RICTOR: variants seen among roughly 807,000 people sequenced by gnomAD.
The protein encoded by RICTOR is RPTOR independent companion of MTOR complex 2, also known as rapamycin-insensitive companion of mTOR.
A neutral mutation model predicts 214.9 loss-of-function variants in RICTOR; 49 were observed. That is an observed-to-expected ratio of 0.23 (90% confidence interval 0.18 to 0.29). The LOEUF is 0.29. Ranked by LOEUF, RICTOR falls within the 10% of genes least tolerant of loss-of-function variation. RICTOR has a pLI of 1.00. For missense variants in RICTOR, 1,625 were observed against 2,047.0 expected, an observed-to-expected ratio of 0.79 and a Z score of 3.98; for synonymous variants, 717 against 711.3, an observed-to-expected ratio of 1.01 and a Z score of -0.13.
At chr5:38,987,721 T>G (rs2150072302) in intron 7 of RICTOR, among the ~76,000 whole-genome samples, 1 of 152,238 alleles carries the variant, frequency 6.6e-6, no homozygotes, top group East Asian at 1.9e-4. Flanking sequence ...TCTTGTTTGA[T>G]CTCAGTTATT....
At chr5:39,064,756 C>T (rs1758781752) in intron 2 of RICTOR, among the ~76,000 whole-genome samples, 1 of 152,192 alleles carries the variant, frequency 6.6e-6, no homozygotes, top group Non-Finnish European at 1.5e-5. Context: ...TACATGTATT[C>T]ATTATTGTTT....
At position 38,981,848 on chromosome 5, in the gene RICTOR, A is replaced by C; in HGVS notation, c.753+19T>G. On this transcript the variant is annotated intron_variant, in intron 8 of 37. Transcript: ENST00000357387. ...TATAATAATATTTTAAAACTAGAAA[A>C]GAATATTAAAGTTCCTACCTCTAAT... is the stretch of plus-strand genomic sequence containing the variant. 1.3e-6 allele frequency: 2 copies of C among 1,546,554 alleles called. No homozygotes were observed. The highest frequency in any genetic ancestry group is 1.8e-6 in the Non-Finnish European group (2 of 1,127,494).
At chr5:38,967,866 T>C in intron 12 of RICTOR, 77 bp downstream of exon 12, 2 of 716,448 alleles carry the variant, frequency 2.8e-6, no homozygotes, top group Non-Finnish European at 4.9e-6. Flanking sequence ...TAATTTAGTA[T>C]TTCTCCTTTT....
chr5:39,021,655 T>C (rs1431297355), intron 2 of RICTOR, among the ~76,000 whole-genome samples: 1 of 152,128 alleles, frequency 6.6e-6, no homozygotes, highest in African/African-American at 2.4e-5. Context: ...AGTGCTCTCT[T>C]GACCTTCCAG....
At chr5:39,072,913 T>A (rs184996249) in intron 2 of RICTOR, among the ~76,000 whole-genome samples, 2 of 152,254 alleles carry the variant, frequency 1.3e-5, no homozygotes, top group African/African-American at 4.8e-5. Context: ...TATAAAAATG[T>A]ACTCTTGTAG....
intron 10 of RICTOR, among the ~76,000 whole-genome samples, chr5:38,973,872 C>T (rs1750987681): frequency 6.6e-6 from 1 of 152,068 alleles, no homozygotes; most frequent in Non-Finnish European, 1.5e-5. Flanking sequence ...GGAAATACAT[C>T]ACAGAAATAA....
At chr5:38,970,681 CATTT>C (rs1487340714) in intron 11 of RICTOR, 1 of 151,732 alleles carries the variant, frequency 6.6e-6, no homozygotes, top group Non-Finnish European at 1.5e-5. Context: ...CAAATAAAAA[CATTT>C]AAGGAGAAAG....
At chr5:38,962,635 T>C in intron 17 of RICTOR, 49 bp from the exon 18 acceptor site, 2 of 1,069,772 alleles carry the variant, frequency 1.9e-6, no homozygotes, top group Non-Finnish European at 2.8e-6. Context: ...ACTGTCCTCA[T>C]ATCAGAAAAC....
At chr5:38,973,424 G>T (rs1485113402) in intron 10 of RICTOR, among the ~76,000 whole-genome samples, 1 of 152,168 alleles carries the variant, frequency 6.6e-6, no homozygotes. Context: ...AACGCCCAGT[G>T]GGATGGACAG....
chr5:38,954,966 C>A (rs990493358), intron 26 of RICTOR, 105 bp from the exon 27 acceptor site: 1 of 518,220 alleles, frequency 1.9e-6, no homozygotes, highest in African/African-American at 2.0e-5. Context: ...AGATACAACT[C>A]TCCAGCATAA....
chr5:39,006,698 G>A (rs1327147673), intron 3 of RICTOR, among the ~76,000 whole-genome samples: 1 of 12,736 alleles, frequency 7.9e-5, no homozygotes. Flanking sequence ...AAGGGGAAGG[G>A]AGAGGAGGGG....
chr5:39,029,602 A>G (rs983281670), intron 2 of RICTOR, among the ~76,000 whole-genome samples: 4 of 152,214 alleles, frequency 2.6e-5, no homozygotes, highest in African/African-American at 7.2e-5. Context: ...TGGCATGCAC[A>G]TGCTACTTGG....
intron 30 of RICTOR, among the ~76,000 whole-genome samples, chr5:38,951,068 A>T (rs1036083832): frequency 2.0e-5 from 3 of 151,948 alleles, no homozygotes; most frequent in Non-Finnish European, 4.4e-5. Context: ...TGCTTACTCA[A>T]TTACTACAGA....
At chr5:39,057,191 T>C (rs1356366931) in intron 2 of RICTOR, among the ~76,000 whole-genome samples, 1 of 152,152 alleles carries the variant, frequency 6.6e-6, no homozygotes, top group Non-Finnish European at 1.5e-5. Flanking sequence ...TTTGAAGGAC[T>C]AATAATATAT....
rs1386848105 is a variant in RICTOR at position 38,940,969 on chromosome 5, G to A, written c.*1335C>T. On this transcript the variant is annotated 3_prime_UTR_variant, in exon 38 of 38. Coordinates refer to ENST00000357387, the MANE Select transcript of RICTOR (RefSeq NM_152756.5). ...TTAAAAAAGAATCCTAATCAGTCCA[G>A]CTGGATTTTCTATTTCTATTTATAT... 1 of 232,520 alleles carries A rather than the reference G, an allele frequency of 4.3e-6. No individual in the cohort carries two copies. The highest frequency in any genetic ancestry group is 2.2e-5 in the African/African-American group (1 of 45,298). The allele number at this position is 232,520 out of a possible 1,614,324, so 14.4% of individuals were successfully genotyped here.
intron 2 of RICTOR, among the ~76,000 whole-genome samples, chr5:39,021,821 C>T (rs1268340575): frequency 1.3e-5 from 2 of 152,166 alleles, no homozygotes; most frequent in African/African-American, 4.8e-5. Flanking sequence ...TAAGAAAAAT[C>T]TCAGCATCAC....
intron 2 of RICTOR, among the ~76,000 whole-genome samples, chr5:39,036,683 C>G (rs1262844219): frequency 6.6e-6 from 1 of 152,118 alleles, no homozygotes; most frequent in African/African-American, 2.4e-5. Flanking sequence ...TCTGATAAAA[C>G]AGACTTTAAA....
In RICTOR at chr5:38,965,563, C is replaced by G. The variant is rs1266811553; in HGVS notation, c.1300-671G>C. The stretch of plus-strand genomic sequence containing the variant: ...GTATAGAGATTCCTTCATATAAAAG[C>G]AAATAACTCTGAATATTGGTATTCT... On this transcript the variant is annotated intron_variant, in intron 15 of 37. Coordinates refer to ENST00000357387, the MANE Select transcript of RICTOR (RefSeq NM_152756.5). Among the ~76,000 whole-genome samples, 3 of 151,842 alleles carry G rather than the reference C, an allele frequency of 2.0e-5. No homozygotes were observed. The South Asian group carries it at 6.2e-4, about 32-fold the overall frequency.
rs1271095615 is a variant in RICTOR, at chr5:38,962,776, T to G, written c.1566+100A>C. 1.2e-5 allele frequency: 12 copies of G among 1,008,114 alleles called. No homozygotes were observed. The East Asian group carries it at 2.9e-4, about 24-fold the overall frequency. 62.4% of individuals were successfully genotyped at this position (1,008,114 alleles called of 1,614,324 possible). A position where few individuals can be genotyped will look rare whatever the true frequency, so the allele number is the denominator to read the frequency against. On this transcript the variant is annotated intron_variant, in intron 17 of 37. Coordinates refer to ENST00000357387, the MANE Select transcript of RICTOR (RefSeq NM_152756.5). The stretch of plus-strand genomic sequence containing the variant: ...GAAGCCATCTGAAAATTCATATGCA[T>G]GAAGAGAAGTGTAAACTCAAATACA...
Sources: gnomAD v4.1 joint callset for allele counts (sites outside exome capture counted in the v4.1 genomes callset) on GRCh38, gnomAD v4.1.1 for gene constraint, MANE v1.5 for transcripts, NCBI Gene and HGNC (gene_info 2026-07-23, HGNC 2026-07-21) for gene names.